The following SLC13A3 variants were observed in gnomAD, a reference collection of about 807,000 sequenced individuals.
The protein encoded by SLC13A3 is Na(+)/dicarboxylate cotransporter 3.
A neutral mutation model predicts 59.0 loss-of-function variants in SLC13A3; 40 were observed. That is an observed-to-expected ratio of 0.68 (90% CI 0.53 to 0.88). The LOEUF (loss-of-function observed/expected upper bound fraction) is 0.88, where lower values mean the gene tolerates loss of function less well. SLC13A3 is among the 40% of genes least tolerant of loss of function. The pLI is 0.00. For synonymous variants in SLC13A3, 317 were observed against 330.3 expected, an observed-to-expected ratio of 0.96 and a Z score of 0.44; for missense variants, 699 against 783.2, an observed-to-expected ratio of 0.89 and a Z score of 1.28.
chr20:46,658,154 G>A (rs2063005583), intron 1 of SLC13A3, among the ~76,000 whole-genome samples: 1 of 151,884 alleles, frequency 6.6e-6, no homozygotes, highest in Admixed American at 6.6e-5. Context: ...CCTTGTTGCT[G>A]CTGGGTGGTA....
chr20:46,561,135 T>A (rs757673258), intron 12 of SLC13A3, among the ~76,000 whole-genome samples: 1 of 152,174 alleles, frequency 6.6e-6, no homozygotes, highest in Non-Finnish European at 1.5e-5. Context: ...GAAAGGCTCA[T>A]CAGAGACTCA....
At chr20:46,563,335 G>T in intron 12 of SLC13A3, 79 bp downstream of exon 12, 6 of 1,510,824 alleles carry the variant, frequency 4.0e-6, no homozygotes, top group Non-Finnish European at 5.4e-6. Flanking sequence ...GCGTGCAGGA[G>T]TCCTGCATAG....
rs906814527 is a variant in SLC13A3, at chr20:46,585,806, T to G, written c.1122-2137A>C. 2.4e-6 allele frequency: 3 copies of G among 1,265,500 alleles called. No individual in the cohort carries two copies. In the African/African-American group the frequency reaches 4.7e-5, roughly 20 times the overall value. The allele number at this position is 1,265,500 out of a possible 1,614,324, so 78.4% of individuals were successfully genotyped here. On this transcript the variant is annotated intron_variant, in intron 8 of 12. Transcript: ENST00000279027. ...AAAAATGGTAAGAGCAACAAGAGCT[T>G]CATGGCTTCATGAAATTATATTGTT...
chr20:46,566,137 TG>T (rs957644054), intron 11 of SLC13A3, 91 bp downstream of exon 11: 9 of 1,043,214 alleles, frequency 8.6e-6, no homozygotes, highest in African/African-American at 3.1e-5. Flanking sequence ...CAATGGCAAC[TG>T]TGGCCCCCAG....
chr20:46,643,216 A>G (rs2062861674), intron 1 of SLC13A3, among the ~76,000 whole-genome samples: 1 of 151,866 alleles, frequency 6.6e-6, no homozygotes, highest in South Asian at 2.1e-4. Flanking sequence ...GGGGGTTAAT[A>G]TAGATAATGC....
At chr20:46,600,423 A>AAAGGAAGG (rs146953211) in intron 3 of SLC13A3, among the ~76,000 whole-genome samples, 3 of 129,968 alleles carry the variant, frequency 2.3e-5, no homozygotes, top group African/African-American at 7.8e-5. Flanking sequence ...GGAAGGAAGG[A>AAAGGAAGG]AAGGAAGGAA....
rs138028902 is a variant in SLC13A3, at chr20:46,604,039, A to G, written c.542-4002T>C. On this transcript the variant is annotated intron_variant, in intron 3 of 12. Transcript: ENST00000279027. ...AGAATTTAACAGGAAGCTGAGTACT[A>G]GCAAATGTTCAGTAAATATGGGTTA... 2.0e-3 allele frequency among the ~76,000 whole-genome samples: 302 copies of G among 152,154 alleles called. 4 individuals are homozygous for G. Among genetic ancestry groups the G allele is most frequent in the Non-Finnish European group, 3.6e-3 (248 of 67,986 alleles).
intron 2 of SLC13A3, among the ~76,000 whole-genome samples, chr20:46,612,152 C>T (rs528845061): frequency 1.2e-4 from 9 of 73,142 alleles, no homozygotes; most frequent in African/African-American, 4.6e-4. Context: ...TTTTTTGAGA[C>T]AGGGTCTCAC....
At chr20:46,616,893 T>C (rs977569220) in intron 1 of SLC13A3, among the ~76,000 whole-genome samples, 8 of 152,192 alleles carry the variant, frequency 5.3e-5, no homozygotes, top group African/African-American at 1.9e-4. Context: ...AAAGGGGCCT[T>C]CCTGAAGACA....
chr20:46,600,412 A>AGGAAGGAAG (rs1156479357), intron 3 of SLC13A3, among the ~76,000 whole-genome samples: 1 of 147,020 alleles, frequency 6.8e-6, no homozygotes, highest in Non-Finnish European at 1.5e-5. Flanking sequence ...GAAAGGAGGA[A>AGGAAGGAAG]GGAAGGAAGG....
intron 1 of SLC13A3, among the ~76,000 whole-genome samples, chr20:46,643,641 G>A (rs1459954451): frequency 6.6e-6 from 1 of 152,226 alleles, no homozygotes; most frequent in Non-Finnish European, 1.5e-5. Context: ...AACCTTTGTT[G>A]AGAGCTAGCT....
At chr20:46,644,619 G>A (rs2062876205) in intron 1 of SLC13A3, among the ~76,000 whole-genome samples, 1 of 152,198 alleles carries the variant, frequency 6.6e-6, no homozygotes, top group South Asian at 2.1e-4. Flanking sequence ...TTTTTCAGCT[G>A]GGGAACTGGG....
intron 2 of SLC13A3, among the ~76,000 whole-genome samples, chr20:46,612,195 G>A (rs2062506234): frequency 7.7e-6 from 1 of 129,264 alleles, no homozygotes; most frequent in Non-Finnish European, 1.6e-5. Flanking sequence ...TGAGTGGCGT[G>A]ATCTTGGCTC....
intron 1 of SLC13A3, 26 bp from the exon 2 acceptor site, chr20:46,613,751 G>A (rs748310808): frequency 6.4e-7 from 1 of 1,566,690 alleles, no homozygotes; most frequent in Non-Finnish European, 8.7e-7. Flanking sequence ...CATGCTCAGA[G>A]GGTCAGCGGG....
intron 10 of SLC13A3, 88 bp from the exon 11 acceptor site, chr20:46,566,478 G>T: frequency 2.1e-6 from 3 of 1,431,094 alleles, no homozygotes; most frequent in East Asian, 2.4e-5. Flanking sequence ...CAACAATGAC[G>T]ACCATACCCC....
chr20:46,616,561 A>T (rs924846261), intron 1 of SLC13A3, among the ~76,000 whole-genome samples: 1 of 152,172 alleles, frequency 6.6e-6, no homozygotes, highest in Admixed American at 6.5e-5. Flanking sequence ...CCCAACAAGA[A>T]GCTGAGACCC....
chr20:46,565,316 A>G (rs1310251615), intron 11 of SLC13A3, among the ~76,000 whole-genome samples: 2 of 151,922 alleles, frequency 1.3e-5, no homozygotes, highest in Admixed American at 6.6e-5. Context: ...GGCCATGTCT[A>G]TTTTTCTATG....
chr20:46,620,974 C>G (rs1464641874), intron 1 of SLC13A3, among the ~76,000 whole-genome samples: 1 of 152,182 alleles, frequency 6.6e-6, no homozygotes, highest in Non-Finnish European at 1.5e-5. Flanking sequence ...ATCCTGAAGA[C>G]AAAGCACAAT....
intron 1 of SLC13A3, among the ~76,000 whole-genome samples, chr20:46,678,938 GC>G (rs989894648): frequency 2.0e-5 from 3 of 152,096 alleles, no homozygotes; most frequent in African/African-American, 7.2e-5. Context: ...GTTTAAAGGA[GC>G]CCGGCTCCTC....
Sources: gnomAD v4.1 joint callset for allele counts (sites outside exome capture counted in the v4.1 genomes callset) on GRCh38, gnomAD v4.1.1 for gene constraint, MANE v1.5 for transcripts, NCBI Gene and HGNC (gene_info 2026-07-23, HGNC 2026-07-21) for gene names.